The following CELF4 variants were observed in gnomAD, a reference collection of about 807,000 sequenced individuals.
CELF4 encodes the protein CUG-BP- and ETR-3-like factor 4.
In CELF4, 18 loss-of-function variants were observed where a neutral mutation model predicts 59.9. The observed-to-expected ratio is 0.30, with a 90% confidence interval of 0.21 to 0.45. The LOEUF (loss-of-function observed/expected upper bound fraction) is 0.45, where lower values mean the gene tolerates loss of function less well. CELF4 is among the 20% of genes least tolerant of loss of function. CELF4 has a pLI of 1.00. For synonymous variants in CELF4, 261 were observed against 267.1 expected, an observed-to-expected ratio of 0.98 and a Z score of 0.22; for missense variants, 456 against 689.0, an observed-to-expected ratio of 0.66 and a Z score of 3.79.
chr18:37,525,586 G>A (rs1404761875), intron 1 of CELF4, among the ~76,000 whole-genome samples: 3 of 137,106 alleles, frequency 2.2e-5, no homozygotes, highest in African/African-American at 8.1e-5. Context: ...GCTTTCTAGA[G>A]CTGACCTTTC....
intron 1 of CELF4, among the ~76,000 whole-genome samples, chr18:37,549,653 A>G (rs766978495): frequency 1.3e-5 from 2 of 152,170 alleles, no homozygotes; most frequent in African/African-American, 4.8e-5. Flanking sequence ...CAATAGGGAT[A>G]AAAAGAGGTA....
At chr18:37,561,700 C>T (rs1383028801) in intron 1 of CELF4, among the ~76,000 whole-genome samples, 1 of 152,086 alleles carries the variant, frequency 6.6e-6, no homozygotes, top group Non-Finnish European at 1.5e-5. Flanking sequence ...AAAAGAGAAA[C>T]AAATTAAAAA....
At chr18:37,259,293 G>C (rs2072616201) in intron 10 of CELF4, 29 bp from the exon 11 acceptor site, 2 of 470,384 alleles carry the variant, frequency 4.3e-6, no homozygotes, top group Non-Finnish European at 8.4e-6. Flanking sequence ...GTGGGCGGGG[G>C]AGGAGGGATG....
rs2099883972 is a variant in CELF4 at position 37,487,618 on chromosome 18, G to A, written c.287-2011C>T. 2.0e-5 allele frequency among the ~76,000 whole-genome samples: 3 copies of A among 152,104 alleles called. No homozygotes were observed. In the South Asian group the frequency reaches 6.2e-4, roughly 32 times the overall value. ...CTCGTGCTGCCGCCTGCTTCTCCCG[G>A]GGGCGTCTTTCCTCCCGTCCCCTTG... On this transcript the variant is annotated intron_variant, in intron 1 of 12. Transcript: ENST00000420428.
At chr18:37,504,319 C>A (rs1051497943) in intron 1 of CELF4, among the ~76,000 whole-genome samples, 1 of 151,938 alleles carries the variant, frequency 6.6e-6, no homozygotes, top group Non-Finnish European at 1.5e-5. Flanking sequence ...GGTGAAACCC[C>A]GTCTCTACTA....
chr18:37,324,234 C>T (rs563256908), intron 2 of CELF4, among the ~76,000 whole-genome samples: 118 of 152,208 alleles, frequency 7.8e-4, no homozygotes, highest in African/African-American at 2.6e-3. Context: ...AAGTGTGTCC[C>T]GCCAAAATTC....
At chr18:37,402,754 C>T (rs533530973) in intron 2 of CELF4, among the ~76,000 whole-genome samples, 59 of 152,348 alleles carry the variant, frequency 3.9e-4, no homozygotes, top group African/African-American at 1.2e-3. Context: ...TTGTCCACAC[C>T]TAGCTTACTC....
At chr18:37,547,332 C>T (rs2099981767) in intron 1 of CELF4, among the ~76,000 whole-genome samples, 1 of 152,158 alleles carries the variant, frequency 6.6e-6, no homozygotes. Context: ...CACTCAGCCA[C>T]AGCCAGAGGT....
At chr18:37,513,147 G>T (rs1366839941) in intron 1 of CELF4, among the ~76,000 whole-genome samples, 5 of 152,202 alleles carry the variant, frequency 3.3e-5, no homozygotes, top group Non-Finnish European at 7.3e-5. Context: ...GTCATGTGTG[G>T]TGCTGCTGCG....
intron 2 of CELF4, among the ~76,000 whole-genome samples, chr18:37,426,023 G>C (rs1356693613): frequency 6.6e-6 from 1 of 152,202 alleles, no homozygotes; most frequent in Non-Finnish European, 1.5e-5. Context: ...TGGCCACTGG[G>C]ATCAGACCAG....
chr18:37,284,718 CAAG>C (rs997341347), intron 3 of CELF4, among the ~76,000 whole-genome samples: 1 of 152,212 alleles, frequency 6.6e-6, no homozygotes, highest in African/African-American at 2.4e-5. Context: ...GTAAGATCAA[CAAG>C]AAGAATCACA....
At chr18:37,289,614 T>G (rs1166213537) in intron 3 of CELF4, among the ~76,000 whole-genome samples, 1 of 151,990 alleles carries the variant, frequency 6.6e-6, no homozygotes, top group Non-Finnish European at 1.5e-5. Flanking sequence ...CCTTTGGATG[T>G]CCTGACAGTG....
At chr18:37,271,855 T>A (rs1008854940) in intron 7 of CELF4, among the ~76,000 whole-genome samples, 1 of 152,188 alleles carries the variant, frequency 6.6e-6, no homozygotes, top group Non-Finnish European at 1.5e-5. Context: ...GTCCTCCCTA[T>A]GCCAAGTGGG....
At chr18:37,522,604 C>T (rs59277474) in intron 1 of CELF4, among the ~76,000 whole-genome samples, 3,372 of 152,224 alleles carry the variant, frequency 0.022, 126 homozygotes, top group African/African-American at 0.078. Context: ...CATTAATAGA[C>T]ACGTTGAGAG....
At chr18:37,426,733 A>G (rs1394972447) in intron 2 of CELF4, among the ~76,000 whole-genome samples, 1 of 152,108 alleles carries the variant, frequency 6.6e-6, no homozygotes, top group Non-Finnish European at 1.5e-5. Context: ...TCTCATTAGA[A>G]CACGTGGAAA....
intron 2 of CELF4, among the ~76,000 whole-genome samples, chr18:37,401,608 C>T (rs1055058299): frequency 6.6e-6 from 1 of 152,194 alleles, no homozygotes; most frequent in Admixed American, 6.5e-5. Context: ...CAGGAGCTTG[C>T]CTAAGACTTC....
intron 2 of CELF4, among the ~76,000 whole-genome samples, chr18:37,442,791 A>C (rs1015531711): frequency 2.6e-5 from 4 of 152,212 alleles, no homozygotes; most frequent in African/African-American, 9.6e-5. Flanking sequence ...AAGACGTCTT[A>C]CGGAGGCGCC....
At chr18:37,557,886 G>A (rs1023077325) in intron 1 of CELF4, among the ~76,000 whole-genome samples, 1 of 151,854 alleles carries the variant, frequency 6.6e-6, no homozygotes, top group Non-Finnish European at 1.5e-5. Flanking sequence ...TGAAATCCTC[G>A]ATCAGCTCAT....
intron 1 of CELF4, among the ~76,000 whole-genome samples, chr18:37,535,549 C>T (rs551535566): frequency 1.3e-5 from 2 of 152,308 alleles, no homozygotes; most frequent in South Asian, 2.1e-4. Flanking sequence ...GAAGAGTTCA[C>T]GTAACCCATC....
Sources: gnomAD v4.1 joint callset for allele counts (sites outside exome capture counted in the v4.1 genomes callset) on GRCh38, gnomAD v4.1.1 for gene constraint, MANE v1.5 for transcripts, NCBI Gene and HGNC (gene_info 2026-07-23, HGNC 2026-07-21) for gene names.